The following CLDN10 variants were observed in gnomAD, a reference collection of about 807,000 sequenced individuals.
CLDN10 encodes the protein claudin 10, also known as claudin-10.
CLDN10 carries 15 observed loss-of-function variants against 22.9 expected under a neutral mutation model. The ratio of observed to expected loss-of-function variants is 0.65; its 90% CI spans 0.44 to 1.01. CLDN10 has a LOEUF of 1.01. Among genes scored for constraint, CLDN10 ranks in the 50% least tolerant of loss-of-function variants. The pLI, the probability that CLDN10 is intolerant of heterozygous loss-of-function variation, is 0.00. For synonymous variants in CLDN10, 114 were observed against 111.4 expected, an observed-to-expected ratio of 1.02 and a Z score of -0.15; for missense variants, 247 against 287.8, an observed-to-expected ratio of 0.86 and a Z score of 1.03.
intron 1 of CLDN10, among the ~76,000 whole-genome samples, chr13:95,455,217 T>C (rs908805755): frequency 1.3e-5 from 2 of 152,164 alleles, no homozygotes; most frequent in Admixed American, 6.5e-5. Context: ...AAAAAACTAT[T>C]TTAAAATTCT....
At chr13:95,489,614 T>C (rs1410679784) in intron 1 of CLDN10, among the ~76,000 whole-genome samples, 1 of 152,200 alleles carries the variant, frequency 6.6e-6, no homozygotes, top group Non-Finnish European at 1.5e-5. Context: ...ATTCTGGATA[T>C]TAGTCCTTTG....
At chr13:95,547,662 CA>C (rs1186190476) in intron 1 of CLDN10, among the ~76,000 whole-genome samples, 3 of 152,160 alleles carry the variant, frequency 2.0e-5, no homozygotes, top group Non-Finnish European at 4.4e-5. Flanking sequence ...CAAGGTCATT[CA>C]GAGGTAGAAT....
chr13:95,503,880 C>T (rs1319599572), intron 1 of CLDN10, among the ~76,000 whole-genome samples: 3 of 152,136 alleles, frequency 2.0e-5, no homozygotes, highest in Non-Finnish European at 4.4e-5. Context: ...AGTTTCAGTT[C>T]TGCAAGTTGA....
In CLDN10 at chr13:95,578,064, T is replaced by C. The variant is rs1184530892; in HGVS notation, c.*50T>C. The C allele has an allele frequency of 1.5e-5, 16 of 1,079,696 alleles. No homozygotes were observed. The highest frequency in any genetic ancestry group is 1.2e-4 in the South Asian group (9 of 73,456). The allele number at this position is 1,079,696 out of a possible 1,614,324, so 66.9% of individuals were successfully genotyped here. ...TTGAGTTTGTTATAAAAGCGAACTG[T>C]TCACAAAATGATCCCATCAAGGCCC... On this transcript the variant is annotated 3_prime_UTR_variant, in exon 5 of 5. Coordinates refer to ENST00000299339, the MANE Select transcript of CLDN10 (RefSeq NM_006984.5).
intron 1 of CLDN10, among the ~76,000 whole-genome samples, chr13:95,524,094 CT>C (rs36014421): frequency 1.2e-3 from 171 of 137,832 alleles, no homozygotes; most frequent in Non-Finnish European, 1.3e-3. Flanking sequence ...CTTTGACTGG[CT>C]TTTTTTTTTT....
chr13:95,550,361 G>A (rs2043550385), upstream of CLDN10, among the ~76,000 whole-genome samples: 1 of 152,136 alleles, frequency 6.6e-6, no homozygotes, highest in East Asian at 1.9e-4. Context: ...GCAACTAGGT[G>A]ATAAATTAGG....
chr13:95,478,165 G>A (rs563782927), intron 1 of CLDN10, among the ~76,000 whole-genome samples: 18 of 151,972 alleles, frequency 1.2e-4, no homozygotes, highest in African/African-American at 4.3e-4. Context: ...AAAAATAGCT[G>A]GACATGGTGG....
At chr13:95,553,029 T>C in intron 1 of CLDN10, 56 bp downstream of exon 1, 2 of 1,594,622 alleles carry the variant, frequency 1.3e-6, no homozygotes, top group Non-Finnish European at 1.7e-6. Flanking sequence ...GCCAGCCCGC[T>C]AGGCGCCCTC....
upstream of CLDN10, chr13:95,552,685 G>C (rs1163365662): frequency 1.0e-5 from 15 of 1,483,692 alleles, no homozygotes; most frequent in South Asian, 1.8e-4. Context: ...GCGGAGCCCC[G>C]GGGTTGGGAG....
chr13:95,514,725 G>A (rs1196442073), intron 1 of CLDN10, among the ~76,000 whole-genome samples: 1 of 152,112 alleles, frequency 6.6e-6, no homozygotes, highest in Non-Finnish European at 1.5e-5. Context: ...ATGCATTTAG[G>A]TGTTTAGTTA....
chr13:95,524,112 G>A (rs1169587053), intron 1 of CLDN10, among the ~76,000 whole-genome samples: 7 of 131,428 alleles, frequency 5.3e-5, no homozygotes, highest in Non-Finnish European at 3.2e-5. Flanking sequence ...TTTTTTTTGA[G>A]ACAGAGTCTC....
intron 1 of CLDN10, among the ~76,000 whole-genome samples, chr13:95,458,422 G>T (rs907756874): frequency 1.3e-5 from 2 of 152,262 alleles, no homozygotes; most frequent in African/African-American, 4.8e-5. Flanking sequence ...AAGGAAAGAG[G>T]TTTAATCAAC....
At chr13:95,455,704 G>C (rs2139083188) in intron 1 of CLDN10, among the ~76,000 whole-genome samples, 1 of 151,710 alleles carries the variant, frequency 6.6e-6, no homozygotes, top group Non-Finnish European at 1.5e-5. Flanking sequence ...TTATTCTTTG[G>C]ACTCAATAAC....
At chr13:95,492,957 T>C (rs1329238991) in intron 1 of CLDN10, among the ~76,000 whole-genome samples, 2 of 152,200 alleles carry the variant, frequency 1.3e-5, no homozygotes, top group Non-Finnish European at 2.9e-5. Flanking sequence ...CCAGTGGTGA[T>C]GTGTGTTTGG....
chr13:95,443,887 A>C (rs2042347311), intron 1 of CLDN10, among the ~76,000 whole-genome samples: 1 of 152,190 alleles, frequency 6.6e-6, no homozygotes, highest in Non-Finnish European at 1.5e-5. Flanking sequence ...CAAGGCCCCA[A>C]GTGCCAGAGC....
chr13:95,444,194 C>T (rs184278228), intron 1 of CLDN10, among the ~76,000 whole-genome samples: 5 of 152,328 alleles, frequency 3.3e-5, no homozygotes, highest in East Asian at 3.9e-4. Flanking sequence ...TAGTGAGGAA[C>T]ATCTTCTGAG....
At chr13:95,577,784 A>C in intron 4 of CLDN10, 116 bp from the exon 5 acceptor site, 1 of 621,230 alleles carries the variant, frequency 1.6e-6, no homozygotes, top group East Asian at 2.8e-5. Context: ...AAGCTATCTA[A>C]GAAAGAGGAA....
chr13:95,523,631 A>G (rs1440186550), intron 1 of CLDN10, among the ~76,000 whole-genome samples: 2 of 152,162 alleles, frequency 1.3e-5, no homozygotes, highest in Non-Finnish European at 2.9e-5. Context: ...TTTTAGAGAT[A>G]GGGTCTCACT....
chr13:95,535,577 G>A (rs2043391613), intron 1 of CLDN10, among the ~76,000 whole-genome samples: 1 of 151,484 alleles, frequency 6.6e-6, no homozygotes, highest in South Asian at 2.1e-4. Flanking sequence ...TGCGGGGGAG[G>A]TGGGGGTGAG....
Sources: gnomAD v4.1 joint callset for allele counts (sites outside exome capture counted in the v4.1 genomes callset) on GRCh38, gnomAD v4.1.1 for gene constraint, MANE v1.5 for transcripts, NCBI Gene and HGNC (gene_info 2026-07-23, HGNC 2026-07-21) for gene names.